CADPS2: variants seen among roughly 807,000 people sequenced by gnomAD.
CADPS2 encodes the protein calcium-dependent secretion activator 2.
CADPS2 carries 93 observed loss-of-function variants against 172.5 expected under a neutral mutation model. The observed-to-expected ratio is 0.54, with a 90% CI of 0.46 to 0.64. The LOEUF is 0.64. CADPS2 is among the 30% of genes least tolerant of loss of function. CADPS2 has a pLI of 0.00. For synonymous variants in CADPS2, 546 were observed against 555.2 expected (o/e 0.98, Z 0.23); for missense variants, 1,420 against 1,565.9 (o/e 0.91, Z 1.57).
intron 2 of CADPS2, among the ~76,000 whole-genome samples, chr7:122,664,847 C>A (rs2081015402): frequency 1.3e-5 from 2 of 152,022 alleles, no homozygotes; most frequent in South Asian, 4.1e-4. Flanking sequence ...CCCAGTGACA[C>A]AATCACAGCT....
chr7:122,554,682 A>G lies in CADPS2; in HGVS notation c.1343T>C (p.Leu448Ser), dbSNP rs777716935. Residue 448 changes from leucine to serine, a missense_variant, in exon 8 of 30, where the codon TTA becomes TCA. Leu to Ser is a moderately radical substitution (Grantham distance 145, BLOSUM62 -2). Transcript: ENST00000449022. ...TTTGGAGCTATTAGAAGTTGGGTATAATATCACCTGTATGGAAAAAAAAAC... is the reference window on the plus strand; with the variant it reads ...TTTGGAGCTATTAGAAGTTGGGTATGATATCACCTGTATGGAAAAAAAAAC... ...LEDKELGRVI[L>S]YPTSNSSKSA... The G allele has an allele frequency of 1.2e-6, 2 of 1,603,474 alleles. No individual in the cohort carries two copies. Among genetic ancestry groups the G allele is most frequent in the South Asian group, 1.1e-5 (1 of 89,458 alleles).
At chr7:122,507,711 T>C (rs1485863876) in intron 9 of CADPS2, among the ~76,000 whole-genome samples, 1 of 152,174 alleles carries the variant, frequency 6.6e-6, no homozygotes, top group African/African-American at 2.4e-5. Context: ...AACCTATTGT[T>C]AAGAACGAGG....
At chr7:122,558,164 T>C (rs984987554) in intron 7 of CADPS2, among the ~76,000 whole-genome samples, 1 of 152,212 alleles carries the variant, frequency 6.6e-6, no homozygotes, top group African/African-American at 2.4e-5. Flanking sequence ...CAAGGTATTT[T>C]GTTTCAAAAT....
At chr7:122,672,970 T>C (rs2082015892) in intron 2 of CADPS2, among the ~76,000 whole-genome samples, 1 of 152,222 alleles carries the variant, frequency 6.6e-6, no homozygotes, top group Non-Finnish European at 1.5e-5. Flanking sequence ...CCGGAGTTTC[T>C]TCCTTCTGGT....
intron 25 of CADPS2, among the ~76,000 whole-genome samples, chr7:122,364,860 T>A (rs757467337): frequency 2.6e-4 from 40 of 152,108 alleles, no homozygotes; most frequent in Non-Finnish European, 3.8e-4. Context: ...GAGATAGACA[T>A]GAACATAACT....
rs552981896 is a variant in CADPS2 at position 122,671,864 on chromosome 7, C to T, written c.454-8295G>A. On this transcript the variant is annotated intron_variant, in intron 2 of 29. Transcript: ENST00000449022. ...AGCAAAACTAGGGCAGACTTTAAAG[C>T]TGTGAAACCCATCCATACACTTGCA... is the stretch of plus-strand genomic sequence containing the variant. 2.6e-5 allele frequency among the ~76,000 whole-genome samples: 4 copies of T among 152,296 alleles called. No homozygotes were observed. In the East Asian group the frequency reaches 7.7e-4, roughly 29 times the overall value.
intron 2 of CADPS2, among the ~76,000 whole-genome samples, chr7:122,724,223 G>C (rs1470009275): frequency 6.6e-6 from 1 of 151,636 alleles, no homozygotes; most frequent in Non-Finnish European, 1.5e-5. Flanking sequence ...AAATAAATCT[G>C]TCTCTCCCAG....
intron 7 of CADPS2, among the ~76,000 whole-genome samples, chr7:122,579,615 C>T (rs1051800977): frequency 6.6e-6 from 1 of 150,998 alleles, no homozygotes; most frequent in Non-Finnish European, 1.5e-5. Flanking sequence ...GATATAGTTA[C>T]AATAAGAAAA....
chr7:122,817,566 C>T (rs780010230), intron 1 of CADPS2, among the ~76,000 whole-genome samples: 44 of 152,114 alleles, frequency 2.9e-4, no homozygotes, highest in Non-Finnish European at 5.3e-4. Flanking sequence ...TATTCACCCA[C>T]GTTTCAAAGG....
At chr7:122,520,110 T>C (rs539151797) in intron 8 of CADPS2, among the ~76,000 whole-genome samples, 1 of 152,168 alleles carries the variant, frequency 6.6e-6, no homozygotes, top group South Asian at 2.1e-4. Context: ...AAATAGTCTT[T>C]ATGAAATCCA....
chr7:122,449,222 C>G (rs1046161548), intron 15 of CADPS2, among the ~76,000 whole-genome samples: 1 of 151,884 alleles, frequency 6.6e-6, no homozygotes, highest in Non-Finnish European at 1.5e-5. Context: ...TGGGTCTCAA[C>G]GGTAGCAAAA....
intron 8 of CADPS2, among the ~76,000 whole-genome samples, chr7:122,533,642 G>A (rs1246284131): frequency 6.6e-6 from 1 of 152,088 alleles, no homozygotes; most frequent in Non-Finnish European, 1.5e-5. Flanking sequence ...GAAGTCTCAT[G>A]TTATTTTATG....
chr7:122,502,680 G>A (rs529711295), intron 9 of CADPS2, among the ~76,000 whole-genome samples: 2 of 151,982 alleles, frequency 1.3e-5, no homozygotes, highest in Non-Finnish European at 2.9e-5. Flanking sequence ...AATTTTTCAT[G>A]TTTAATTGAG....
chr7:122,582,031 A>C (rs1417278457), intron 6 of CADPS2, among the ~76,000 whole-genome samples: 1 of 152,144 alleles, frequency 6.6e-6, no homozygotes, highest in Admixed American at 6.6e-5. Flanking sequence ...TGATATTAAA[A>C]AATCTTATCA....
At chr7:122,661,951 A>G (rs564245141) in intron 3 of CADPS2, among the ~76,000 whole-genome samples, 2 of 152,358 alleles carry the variant, frequency 1.3e-5, no homozygotes, top group African/African-American at 4.8e-5. Flanking sequence ...TTCTTCCACT[A>G]TTATCAAATA....
At chr7:122,633,168 T>C (rs1279333844) in intron 3 of CADPS2, among the ~76,000 whole-genome samples, 26 of 152,164 alleles carry the variant, frequency 1.7e-4, no homozygotes, top group Admixed American at 1.7e-3. Flanking sequence ...AGGATAGTTT[T>C]GCCTATTTGG....
At chr7:122,636,926 A>G (rs1324775277) in intron 3 of CADPS2, among the ~76,000 whole-genome samples, 1 of 152,094 alleles carries the variant, frequency 6.6e-6, no homozygotes, top group Non-Finnish European at 1.5e-5. Flanking sequence ...TTCATGGACT[A>G]TATCCTCTAA....
chr7:122,760,073 C>CT (rs1436694247), intron 1 of CADPS2, among the ~76,000 whole-genome samples: 1 of 151,644 alleles, frequency 6.6e-6, no homozygotes, highest in Admixed American at 6.6e-5. Context: ...TACACACAGT[C>CT]TATACTAGAA....
chr7:122,334,655 T>C (rs1367826907), intron 28 of CADPS2, among the ~76,000 whole-genome samples: 4 of 152,190 alleles, frequency 2.6e-5, no homozygotes, highest in Non-Finnish European at 5.9e-5. Flanking sequence ...GTGTTGGCTC[T>C]AAACCTTTAG....
Sources: allele counts gnomAD v4.1 joint callset (sites outside exome capture counted in the v4.1 genomes callset), GRCh38; gene constraint gnomAD v4.1.1; transcripts MANE v1.5; gene names NCBI Gene and HGNC (gene_info 2026-07-23, HGNC 2026-07-21).